Variants in CRYZ observed in about 807,000 individuals in gnomAD.
The protein encoded by CRYZ is crystallin zeta.
Under a neutral mutation model 34.1 loss-of-function variants are expected in CRYZ, and 35 were observed. The observed-to-expected ratio is 1.03, with a 90% CI of 0.78 to 1.36. The LOEUF (loss-of-function observed/expected upper bound fraction) is 1.36, where lower values mean the gene tolerates loss of function less well. Ranked by LOEUF, CRYZ falls within the 40% of genes most tolerant of loss-of-function variation. The pLI is 0.00. For synonymous variants in CRYZ, 137 were observed against 136.5 expected, an observed-to-expected ratio of 1.00 and a Z score of -0.03; for missense variants, 403 against 391.8, an observed-to-expected ratio of 1.03 and a Z score of -0.24.
intron 4 of CRYZ, among the ~76,000 whole-genome samples, chr1:74,718,552 T>C (rs1211506335): frequency 6.6e-6 from 1 of 152,158 alleles, no homozygotes; most frequent in East Asian, 1.9e-4. Flanking sequence ...TCTCTTGAAA[T>C]CTCTTCTCTA....
intron 1 of CRYZ, among the ~76,000 whole-genome samples, chr1:74,729,329 A>G (rs1647565163): frequency 6.6e-6 from 1 of 152,024 alleles, no homozygotes; most frequent in Non-Finnish European, 1.5e-5. Context: ...AGCACCAAGC[A>G]CAGAACTTAG....
In CRYZ at chr1:74,720,255, C is replaced by T. The variant is rs1647140634; in HGVS notation, c.265-883G>A. On this transcript the variant is annotated intron_variant, in intron 3 of 8. Coordinates refer to ENST00000340866, the MANE Select transcript of CRYZ (RefSeq NM_001889.4). Reference sequence around the variant, plus strand: ...ATGAGTTTCCTCACCCCTGCATTGCCGTTATTTCTCATGCAAACACCCAAA... The same window carrying T: ...ATGAGTTTCCTCACCCCTGCATTGCTGTTATTTCTCATGCAAACACCCAAA... Among the ~76,000 whole-genome samples, 4 of 152,210 alleles carry T rather than the reference C, an allele frequency of 2.6e-5. No individual in the cohort carries two copies. In the South Asian group the frequency reaches 8.3e-4, roughly 32 times the overall value.
At chr1:74,724,652 T>C (rs1391868046) in intron 2 of CRYZ, 59 bp downstream of exon 2, 12 of 1,035,004 alleles carry the variant, frequency 1.2e-5, no homozygotes, top group Non-Finnish European at 1.6e-5. Context: ...TTTAATACAA[T>C]GTGCAAGAGA....
Position 74,706,439 on chromosome 1 carries a change from CA to C in CRYZ, c.846del (p.Tyr282Ter). On this transcript the variant is annotated frameshift_variant, in exon 9 of 9. Coordinates refer to ENST00000340866, the MANE Select transcript of CRYZ (RefSeq NM_001889.4). LOFTEE classifies it high-confidence loss of function. ...FSSTKEEFQQ[Y>X]AAALQAGMEI... ...TCCATTCCAGCTTGAAGGGCTGCTG[CA>C]TATTGCTGAAATTCCTCCTAAGAAA... 6.3e-7 allele frequency: 1 copy of C among 1,599,162 alleles called. No homozygotes were observed. The highest frequency in any genetic ancestry group is 1.7e-4 in the Middle Eastern group (1 of 5,976).
intron 5 of CRYZ, among the ~76,000 whole-genome samples, chr1:74,711,139 G>A (rs1646997058): frequency 6.6e-6 from 1 of 152,144 alleles, no homozygotes; most frequent in Non-Finnish European, 1.5e-5. Context: ...CTCAGGGAGG[G>A]GCGTGTACGA....
At position 74,730,719 on chromosome 1, in the gene CRYZ, C is replaced by T. The variant is rs368078181; in HGVS notation, c.-14+2237G>A. ...AAGTCCTGTAATTAAATGGTGTTAG[C>T]TGATTTTTTTCTTTACCATCCTTTT... On this transcript the variant is annotated intron_variant, in intron 1 of 8. Coordinates refer to ENST00000340866, the MANE Select transcript of CRYZ (RefSeq NM_001889.4). Among the ~76,000 whole-genome samples the T allele has an allele frequency of 1.1e-3, 169 of 152,314 alleles. 3 individuals are homozygous for T. The highest frequency in any genetic ancestry group is 3.4e-3 in the Middle Eastern group (1 of 294).
chr1:74,720,427 T>A (rs1011865697), intron 3 of CRYZ, among the ~76,000 whole-genome samples: 1 of 152,164 alleles, frequency 6.6e-6, no homozygotes, highest in Non-Finnish European at 1.5e-5. Context: ...GGTGAAACAA[T>A]GCCCTAGGCC....
chr1:74,709,802 A>T (rs1459206990), intron 6 of CRYZ, among the ~76,000 whole-genome samples: 1 of 152,222 alleles, frequency 6.6e-6, no homozygotes, highest in African/African-American at 2.4e-5. Context: ...GCAAATACAA[A>T]GCTGCAGCTT....
At chr1:74,716,184 CA>C (rs1647070894) in intron 4 of CRYZ, among the ~76,000 whole-genome samples, 1 of 151,012 alleles carries the variant, frequency 6.6e-6, no homozygotes, top group Admixed American at 6.6e-5. Flanking sequence ...TAAAATCAAT[CA>C]ATCTGTGTGC....
chr1:74,726,551 G>C (rs542712328), intron 1 of CRYZ, among the ~76,000 whole-genome samples: 193 of 152,312 alleles, frequency 1.3e-3, no homozygotes, highest in Non-Finnish European at 2.5e-3. Flanking sequence ...CCTGTGATGA[G>C]AGCGACTGCC....
intron 3 of CRYZ, 134 bp from the exon 4 acceptor site, chr1:74,719,506 T>G: frequency 1.2e-6 from 1 of 800,562 alleles, no homozygotes; most frequent in Non-Finnish European, 1.8e-6. Context: ...AATAATTTTT[T>G]TTTTTTTGAG....
intron 4 of CRYZ, among the ~76,000 whole-genome samples, chr1:74,716,309 T>C (rs1647074740): frequency 6.6e-6 from 1 of 152,068 alleles, no homozygotes; most frequent in South Asian, 2.1e-4. Context: ...GATGATTGAC[T>C]GATAGATAGA....
chr1:74,709,032 G>A (rs1185925315), intron 6 of CRYZ, among the ~76,000 whole-genome samples: 2 of 152,104 alleles, frequency 1.3e-5, no homozygotes, highest in African/African-American at 2.4e-5. Context: ...AGTGACCTCT[G>A]GGAAGCAGTA....
At chr1:74,710,062 A>C (rs1488910044) in intron 6 of CRYZ, 36 bp downstream of exon 6, 1 of 1,590,992 alleles carries the variant, frequency 6.3e-7, no homozygotes, top group Non-Finnish European at 8.6e-7. Flanking sequence ...TCCAAGGAAC[A>C]AAGTTTGACT....
At chr1:74,709,002 C>T (rs939767821) in intron 6 of CRYZ, among the ~76,000 whole-genome samples, 1 of 152,120 alleles carries the variant, frequency 6.6e-6, no homozygotes, top group South Asian at 2.1e-4. Context: ...GACCAGCAGA[C>T]TGTTAATTAG....
In CRYZ at chr1:74,719,352, A is replaced by C. The variant is rs1490924210; in HGVS notation, c.285T>G (p.Thr95=). The stretch of plus-strand genomic sequence containing the variant: ...CATAACCCCCAGAGATCGTGCTGCT[A>C]GTGAAAACTCTGTCACCTTTCTAGG... ...SAFKKGDRVF[T]SSTISGGYAE... Residue 95 remains threonine (T), a synonymous_variant, in exon 4 of 9, where the codon ACT becomes ACG. Coordinates refer to ENST00000340866, the MANE Select transcript of CRYZ (RefSeq NM_001889.4). 6.2e-7 allele frequency: 1 copy of C among 1,611,482 alleles called. No homozygotes were observed. The highest frequency in any genetic ancestry group is 1.1e-5 in the South Asian group (1 of 91,004).
rs141363778 is a variant in CRYZ, at chr1:74,723,135, T to G, written c.247A>C (p.Asn83His). 36 of 1,611,050 alleles carry G rather than the reference T, an allele frequency of 2.2e-5. No individual in the cohort carries two copies. Among genetic ancestry groups the G allele is most frequent in the Non-Finnish European group, 3.1e-5 (36 of 1,179,382 alleles). Residue 83 changes from asparagine (N) to histidine (H), a missense_variant, in exon 3 of 9, where the codon AAT (asparagine) becomes CAT (histidine). Physicochemically the swap from Asn to His is moderately conservative, Grantham distance 68. Transcript: ENST00000340866. ...VAGVIEAVGD[N>H]ASAFKKGDRV... is the part of the protein sequence containing the mutation. ...TGCAATACCTTGAAAGCAGATGCAT[T>G]ATCTCCAACAGCTTCTATCACCCCA...
rs1647192212 is a variant in CRYZ, at chr1:74,723,056, T to G, written c.264+62A>C. 5 of 1,527,132 alleles carry G rather than the reference T, an allele frequency of 3.3e-6. No homozygotes were observed. The South Asian group carries it at 5.9e-5, about 18-fold the overall frequency. The allele number at this position is 1,527,132 out of a possible 1,614,324, so 94.6% of individuals were successfully genotyped here. A position where few individuals can be genotyped will look rare whatever the true frequency, so the allele number is the denominator to read the frequency against. The stretch of plus-strand genomic sequence containing the variant: ...CCTTAAATAAGATGCAGTTGAAAGC[T>G]ATGTTCAAATATTTTTATGAAATAA... On this transcript the variant is annotated intron_variant, in intron 3 of 8. Coordinates refer to ENST00000340866, the MANE Select transcript of CRYZ (RefSeq NM_001889.4).
intron 2 of CRYZ, among the ~76,000 whole-genome samples, chr1:74,723,765 G>C (rs1010224963): frequency 6.6e-6 from 1 of 152,220 alleles, no homozygotes; most frequent in East Asian, 1.9e-4. Flanking sequence ...AGAGCCACAT[G>C]AAAGAAGAAG....
Sources: gnomAD v4.1 joint callset for allele counts (sites outside exome capture counted in the v4.1 genomes callset) on GRCh38, gnomAD v4.1.1 for gene constraint, MANE v1.5 for transcripts, NCBI Gene and HGNC (gene_info 2026-07-23, HGNC 2026-07-21) for gene names.